The following AGPAT4 variants were observed in gnomAD, a reference collection of about 807,000 sequenced individuals.
AGPAT4 encodes 1-acylglycerol-3-phosphate O-acyltransferase 4.
In AGPAT4, 15 loss-of-function variants were observed where a neutral mutation model predicts 48.0. The ratio of observed to expected loss-of-function variants is 0.31; its 90% confidence interval spans 0.21 to 0.48. The LOEUF is 0.48. Ranked by LOEUF, AGPAT4 falls within the 20% of genes least tolerant of loss-of-function variation. The pLI, the probability that AGPAT4 is intolerant of heterozygous loss-of-function variation, is 0.99. For synonymous variants in AGPAT4, 178 were observed against 198.7 expected (o/e 0.90, Z 0.88); for missense variants, 314 against 482.5 (o/e 0.65, Z 3.27).
intron 2 of AGPAT4, among the ~76,000 whole-genome samples, chr6:161,209,926 CGTTTT>C (rs767794325): frequency 1.8e-4 from 27 of 151,938 alleles, no homozygotes; most frequent in South Asian, 2.1e-4. Context: ...CCCTTTGTTT[CGTTTT>C]GTTTTGTTTT....
rs552969333 is a variant in AGPAT4, at chr6:161,140,107, G to A, written c.844-487C>T. Among the ~76,000 whole-genome samples, 21 of 152,328 alleles carry A rather than the reference G, an allele frequency of 1.4e-4. No homozygotes were observed. Among genetic ancestry groups the A allele is most frequent in the South Asian group, 6.2e-4 (3 of 4,822 alleles). ...CCCAGCCCGGCCCGGCACATGCCCC[G>A]CCTTCCCGGCCTCCACAGCCAGTTC... On this transcript the variant is annotated intron_variant, in intron 7 of 8. Coordinates refer to ENST00000320285, the MANE Select transcript of AGPAT4 (RefSeq NM_020133.3). This position sits in a 1 kb window ranked among gnomAD's most constrained non-coding sequence, Gnocchi z 6.5.
In AGPAT4 at chr6:161,215,912, C is replaced by G. The variant is rs1251732282; in HGVS notation, c.178+16124G>C. On this transcript the variant is annotated intron_variant, in intron 2 of 8. Transcript: ENST00000320285. The surrounding 1 kb of genome is among the most constrained non-coding windows in gnomAD (Gnocchi z 4.5). ...CAGACATAGTCAAGTTTATCTATGC[C>G]GGCAAGCAAAACTCTTCGCATGCAC... is the stretch of plus-strand genomic sequence containing the variant. 1.3e-5 allele frequency among the ~76,000 whole-genome samples: 2 copies of G among 152,114 alleles called. No homozygotes were observed. The highest frequency in any genetic ancestry group is 4.8e-5 in the African/African-American group (2 of 41,396).
At position 161,136,395 on chromosome 6, in the gene AGPAT4, A is replaced by C. The variant is rs566554820; in HGVS notation, c.*145T>G. ...ATCTTCCTCCCCATCCGGCCTTGAG[A>C]CCAGACTCCCTGGCTGGAGAGGTCG... On this transcript the variant is annotated 3_prime_UTR_variant, in exon 9 of 9. Transcript: ENST00000320285. 6.0e-5 allele frequency: 40 copies of C among 663,696 alleles called. No homozygotes were observed. Among genetic ancestry groups the C allele is most frequent in the Admixed American group, 1.6e-4 (6 of 38,402 alleles). 41.1% of individuals were successfully genotyped at this position (663,696 alleles called of 1,614,324 possible). A position where few individuals can be genotyped will look rare whatever the true frequency, so the allele number is the denominator to read the frequency against.
intron 2 of AGPAT4, among the ~76,000 whole-genome samples, chr6:161,227,088 C>T (rs1782001686): frequency 6.6e-6 from 1 of 152,224 alleles, no homozygotes; most frequent in Non-Finnish European, 1.5e-5. Flanking sequence ...CACCTGGAGA[C>T]AGTTTCCAGT....
At chr6:161,152,445 A>G (rs910724) in intron 5 of AGPAT4, among the ~76,000 whole-genome samples, 46,321 of 151,832 alleles carry the variant, frequency 0.31, 9,027 homozygotes, top group African/African-American at 0.56. Context: ...AACCACCGCT[A>G]AAGCCGGTGG....
At chr6:161,176,378 C>A (rs927546562) in intron 2 of AGPAT4, among the ~76,000 whole-genome samples, 4 of 152,030 alleles carry the variant, frequency 2.6e-5, no homozygotes, top group Non-Finnish European at 4.4e-5. Flanking sequence ...TTGATCCCTT[C>A]ACCATTATGT....
rs1783311514 is a variant in AGPAT4 at position 161,267,877 on chromosome 6, C to T, written c.-90+6061G>A. Among the ~76,000 whole-genome samples, 1 of 152,112 alleles carries T rather than the reference C, an allele frequency of 6.6e-6. No individual in the cohort carries two copies. Among genetic ancestry groups the T allele is most frequent in the Admixed American group, 6.6e-5 (1 of 15,262 alleles). The stretch of plus-strand genomic sequence containing the variant: ...GAGACTGGCCTCTTAAAAGAAAGAC[C>T]AGTCTCACTTTTAACATTTTAAACA... On this transcript the variant is annotated intron_variant, in intron 1 of 8. Transcript: ENST00000320285. The surrounding 1 kb of genome is among the most constrained non-coding windows in gnomAD (Gnocchi z 5.2).
rs1780109318 is a variant in AGPAT4 at position 161,166,672 on chromosome 6, G to C, written c.179-255C>G. Among the ~76,000 whole-genome samples the C allele has an allele frequency of 6.6e-6, 1 of 152,196 alleles. No individual in the cohort carries two copies. The highest frequency in any genetic ancestry group is 6.5e-5 in the Admixed American group (1 of 15,280). ...GGTAAATGACTTACTCCTTGATTAA[G>C]TATCTTGGGGGAAAATAAATCAGAA... is the stretch of plus-strand genomic sequence containing the variant. On this transcript the variant is annotated intron_variant, in intron 2 of 8. Coordinates refer to ENST00000320285, the MANE Select transcript of AGPAT4 (RefSeq NM_020133.3). This position sits in a 1 kb window ranked among gnomAD's most constrained non-coding sequence, Gnocchi z 6.7.
Position 161,233,109 on chromosome 6 carries a change from CCACA to C in AGPAT4, c.-89-811_-89-808del, listed in dbSNP as rs56226316. On this transcript the variant is annotated intron_variant, in intron 1 of 8. Transcript: ENST00000320285. This position sits in a 1 kb window ranked among gnomAD's most constrained non-coding sequence, Gnocchi z 5.4. Reference sequence around the variant, plus strand: ...AGACACATAGACACACACACAAACACCACACACACACACACACACACACACACAC... The same window carrying C: ...AGACACATAGACACACACACAAACACCACACACACACACACACACACACAC... Among the ~76,000 whole-genome samples the C allele has an allele frequency of 0.043, 6,396 of 147,274 alleles. 219 individuals are homozygous for C. The highest frequency in any genetic ancestry group is 0.087 in the African/African-American group (3,516 of 40,240).
chr6:161,217,873 C>A lies in AGPAT4; in HGVS notation c.178+14163G>T, dbSNP rs1781695894. Among the ~76,000 whole-genome samples, 1 of 107,042 alleles carries A rather than the reference C, an allele frequency of 9.3e-6. No individual in the cohort carries two copies. Among genetic ancestry groups the A allele is most frequent in the Admixed American group, 9.3e-5 (1 of 10,744 alleles). 70.2% of individuals were successfully genotyped at this position (107,042 alleles called of 152,430 possible). On this transcript the variant is annotated intron_variant, in intron 2 of 8. Transcript: ENST00000320285. This position sits in a 1 kb window ranked among gnomAD's most constrained non-coding sequence, Gnocchi z 4.9. The stretch of plus-strand genomic sequence containing the variant: ...CTGCTCCCGCGGGGCCCTGCACACA[C>A]CAGCTCTGGGTTTGTTCTTGTTTGG...
chr6:161,175,252 A>T (rs1184243754), intron 2 of AGPAT4, among the ~76,000 whole-genome samples: 1 of 152,186 alleles, frequency 6.6e-6, no homozygotes, highest in Non-Finnish European at 1.5e-5. Flanking sequence ...CCTCTGGTAG[A>T]ATTCGGCTGT....
chr6:161,164,631 G>A lies in AGPAT4; in HGVS notation c.348+1617C>T, dbSNP rs957875759. 3.3e-5 allele frequency among the ~76,000 whole-genome samples: 5 copies of A among 152,212 alleles called. No homozygotes were observed. The highest frequency in any genetic ancestry group is 1.2e-4 in the African/African-American group (5 of 41,456). On this transcript the variant is annotated intron_variant, in intron 3 of 8. Coordinates refer to ENST00000320285, the MANE Select transcript of AGPAT4 (RefSeq NM_020133.3). This position sits in a 1 kb window ranked among gnomAD's most constrained non-coding sequence, Gnocchi z 7.4. ...CTATTGTCCTCGGGCAAATCACTCA[G>A]CCAAACTGAGGCTCTGGGGGTTTAT...
In AGPAT4 at chr6:161,220,105, C is replaced by T. The variant is rs533144445; in HGVS notation, c.178+11931G>A. Among the ~76,000 whole-genome samples, 1 of 152,202 alleles carries T rather than the reference C, an allele frequency of 6.6e-6. No individual in the cohort carries two copies. Among genetic ancestry groups the T allele is most frequent in the Non-Finnish European group, 1.5e-5 (1 of 68,022 alleles). On this transcript the variant is annotated intron_variant, in intron 2 of 8. Coordinates refer to ENST00000320285, the MANE Select transcript of AGPAT4 (RefSeq NM_020133.3). This position sits in a 1 kb window ranked among gnomAD's most constrained non-coding sequence, Gnocchi z 6.0. Reference sequence around the variant, plus strand: ...TGCTTATCACTCTCCATTGAATCAGCTTCATGAGACTGATTCATTTGGATA... The same window carrying T: ...TGCTTATCACTCTCCATTGAATCAGTTTCATGAGACTGATTCATTTGGATA...
rs1779191140 is a variant in AGPAT4, at chr6:161,139,777, G to T, written c.844-157C>A. ...GCTCCTTCCAGAAAGCACTTTGTAG[G>T]CAGCTGCTGTCTTCTCAAAGCTGCA... is the stretch of plus-strand genomic sequence containing the variant. On this transcript the variant is annotated intron_variant, in intron 7 of 8. Transcript: ENST00000320285. This position sits in a 1 kb window ranked among gnomAD's most constrained non-coding sequence, Gnocchi z 9.1. Among the ~76,000 whole-genome samples, 1 of 152,198 alleles carries T rather than the reference G, an allele frequency of 6.6e-6. No homozygotes were observed. Among genetic ancestry groups the T allele is most frequent in the African/African-American group, 2.4e-5 (1 of 41,462 alleles).
chr6:161,230,141 G>T (rs972378260), intron 2 of AGPAT4, among the ~76,000 whole-genome samples: 10 of 152,048 alleles, frequency 6.6e-5, no homozygotes, highest in African/African-American at 2.4e-4. Context: ...TGCATCCTGA[G>T]AAAAATATCT....
chr6:161,180,790 A>G lies in AGPAT4; in HGVS notation c.179-14373T>C, dbSNP rs1233965663. Reference sequence around the variant, plus strand: ...ACAGGACGGTGCCTTCACACTCACAACACCCTCACCTGGAGGTCAGTCGTC... The same window carrying G: ...ACAGGACGGTGCCTTCACACTCACAGCACCCTCACCTGGAGGTCAGTCGTC... On this transcript the variant is annotated intron_variant, in intron 2 of 8. Transcript: ENST00000320285. This position sits in a 1 kb window ranked among gnomAD's most constrained non-coding sequence, Gnocchi z 6.4. Among the ~76,000 whole-genome samples the G allele has an allele frequency of 6.6e-6, 1 of 152,140 alleles. No individual in the cohort carries two copies. The highest frequency in any genetic ancestry group is 2.4e-5 in the African/African-American group (1 of 41,414).
At chr6:161,211,578 A>G (rs1326112451) in intron 2 of AGPAT4, among the ~76,000 whole-genome samples, 1 of 152,190 alleles carries the variant, frequency 6.6e-6, no homozygotes, top group Non-Finnish European at 1.5e-5. Context: ...GACAAACTAG[A>G]AAGTCCAAGC....
In AGPAT4 at chr6:161,272,705, AACACACACACACAC is replaced by A. The variant is rs3043142; in HGVS notation, c.-90+1219_-90+1232del. 6.8e-6 allele frequency among the ~76,000 whole-genome samples: 1 copy of A among 147,084 alleles called. No homozygotes were observed. The highest frequency in any genetic ancestry group is 6.8e-5 in the Admixed American group (1 of 14,804). On this transcript the variant is annotated intron_variant, in intron 1 of 8. Transcript: ENST00000320285. This position sits in a 1 kb window ranked among gnomAD's most constrained non-coding sequence, Gnocchi z 4.2. ...TCCCTGCCCGCCTCCCATTTCCCTA[AACACACACACACAC>A]ACACACACACACAAACACACACATT...
chr6:161,187,564 G>A (rs1780805471), intron 2 of AGPAT4, among the ~76,000 whole-genome samples: 2 of 151,594 alleles, frequency 1.3e-5, no homozygotes, highest in Middle Eastern at 6.8e-3. Flanking sequence ...GAGACAGGGA[G>A]GGTCTCACTG....
Sources: allele counts gnomAD v4.1 joint callset (sites outside exome capture counted in the v4.1 genomes callset), GRCh38; gene constraint gnomAD v4.1.1; non-coding constraint Gnocchi (gnomAD v3.1); transcripts MANE v1.5; gene names NCBI Gene and HGNC (gene_info 2026-07-23, HGNC 2026-07-21).